AKAP19: variants seen among roughly 807,000 people sequenced by gnomAD.
AKAP19 encodes the protein A-kinase anchoring protein 19, also known as small A-kinase anchoring protein.
At chr2:190,048,946 A>C in the AKAP19 span, among the ~76,000 whole-genome samples, 1 of 152,230 alleles carries the variant, frequency 6.6e-6, no homozygotes, top group Non-Finnish European at 1.5e-5. Context: ...TAAATCATAA[A>C]AGTATTAAAA....
chr2:189,997,528 C>T, the AKAP19 span, among the ~76,000 whole-genome samples: 1 of 152,064 alleles, frequency 6.6e-6, no homozygotes, highest in Non-Finnish European at 1.5e-5. Flanking sequence ...TTATGGCTGC[C>T]TCTGTCACTA....
chr2:190,164,191 A>G, the AKAP19 span: 1 of 152,222 alleles, frequency 6.6e-6, no homozygotes, highest in Non-Finnish European at 1.5e-5. Context: ...TAGTCCTGCA[A>G]TTCAATAGGA....
chr2:189,896,037 A>T, the AKAP19 span, among the ~76,000 whole-genome samples: 3 of 151,986 alleles, frequency 2.0e-5, no homozygotes, highest in Non-Finnish European at 2.9e-5. Flanking sequence ...ATACTGCTAA[A>T]ATTTCATTTA....
chr2:190,146,460 A>G, the AKAP19 span, among the ~76,000 whole-genome samples: 1,641 of 152,326 alleles, frequency 0.011, 25 homozygotes, highest in African/African-American at 0.037. Context: ...CGCTATAAAC[A>G]TGCATGTGCA....
At chr2:190,058,225 A>G in the AKAP19 span, among the ~76,000 whole-genome samples, 1 of 151,982 alleles carries the variant, frequency 6.6e-6, no homozygotes, top group Non-Finnish European at 1.5e-5. Context: ...AGGTATTTAA[A>G]AATTTGTTGA....
At chr2:190,159,324 G>C in the AKAP19 span, among the ~76,000 whole-genome samples, 1 of 152,162 alleles carries the variant, frequency 6.6e-6, no homozygotes, top group Admixed American at 6.5e-5. Flanking sequence ...TGAGTTCTGG[G>C]TTGATGAGTA....
chr2:190,074,392 C>A, the AKAP19 span, among the ~76,000 whole-genome samples: 2 of 152,090 alleles, frequency 1.3e-5, no homozygotes, highest in African/African-American at 4.8e-5. Context: ...TGGCTTCACA[C>A]CTGTAATCCC....
the AKAP19 span, among the ~76,000 whole-genome samples, chr2:190,038,827 A>G: frequency 6.6e-6 from 1 of 151,980 alleles, no homozygotes; most frequent in Non-Finnish European, 1.5e-5. Flanking sequence ...TGTGTGGCAA[A>G]TATTTTACAG....
the AKAP19 span, among the ~76,000 whole-genome samples, chr2:190,113,651 A>T: frequency 6.6e-6 from 1 of 152,236 alleles, no homozygotes; most frequent in East Asian, 1.9e-4. Context: ...TCAATGAAGT[A>T]TAGGAGCTAG....
chr2:190,187,731 A>G, the AKAP19 span, among the ~76,000 whole-genome samples: 2 of 152,148 alleles, frequency 1.3e-5, no homozygotes, highest in Non-Finnish European at 2.9e-5. Context: ...GCACGTGCCT[A>G]TAGTCGCAGG....
At chr2:189,880,091 C>T in the AKAP19 span, among the ~76,000 whole-genome samples, 2 of 152,242 alleles carry the variant, frequency 1.3e-5, no homozygotes, top group Non-Finnish European at 1.5e-5. Context: ...TGATTTTATC[C>T]AGATTTTGTG....
the AKAP19 span, among the ~76,000 whole-genome samples, chr2:189,884,310 G>A: frequency 1.3e-5 from 2 of 151,982 alleles, no homozygotes; most frequent in East Asian, 1.9e-4. Flanking sequence ...TGGTGATGCT[G>A]TACTGTCAAA....
At chr2:190,077,516 C>A in the AKAP19 span, among the ~76,000 whole-genome samples, 1 of 152,072 alleles carries the variant, frequency 6.6e-6, no homozygotes, top group Non-Finnish European at 1.5e-5. Context: ...GTTGGTCAGG[C>A]TAGTCTTGAA....
chr2:190,049,531 C>T, the AKAP19 span, among the ~76,000 whole-genome samples: 1 of 152,190 alleles, frequency 6.6e-6, no homozygotes, highest in Non-Finnish European at 1.5e-5. Flanking sequence ...AACCCACATG[C>T]AGTGTGGCTT....
chr2:190,140,360 C>A, the AKAP19 span, among the ~76,000 whole-genome samples: 14 of 152,200 alleles, frequency 9.2e-5, no homozygotes, highest in African/African-American at 3.4e-4. Flanking sequence ...CCAGTGGGAT[C>A]TCAGTGTGGG....
chr2:190,157,367 T>C, the AKAP19 span, among the ~76,000 whole-genome samples: 142,537 of 150,260 alleles, frequency 0.95, 68,067 homozygotes, highest in East Asian at 1. Context: ...TAAACTTGTA[T>C]ACACACACAC....
chr2:190,147,875 G>C, the AKAP19 span, among the ~76,000 whole-genome samples: 6 of 152,074 alleles, frequency 3.9e-5, no homozygotes, highest in Non-Finnish European at 5.9e-5. Flanking sequence ...TGGAAACTTT[G>C]CTGAATTATT....
the AKAP19 span, among the ~76,000 whole-genome samples, chr2:190,119,024 A>G: frequency 2.6e-5 from 4 of 152,228 alleles, no homozygotes; most frequent in Non-Finnish European, 4.4e-5. Context: ...GCAAAGTCTC[A>G]GGATACAAAA....
the AKAP19 span, among the ~76,000 whole-genome samples, chr2:190,026,569 T>A: frequency 6.6e-6 from 1 of 152,242 alleles, no homozygotes; most frequent in African/African-American, 2.4e-5. Flanking sequence ...TCAGCACTTC[T>A]GCTTTGCAGC....
Sources: allele counts gnomAD v4.1 joint callset (sites outside exome capture counted in the v4.1 genomes callset), GRCh38; gene constraint gnomAD v4.1.1; transcripts MANE v1.5; gene names NCBI Gene and HGNC (gene_info 2026-07-23, HGNC 2026-07-21).